The following FAT3 variants were observed in gnomAD, a reference collection of about 807,000 sequenced individuals.
FAT3 encodes the protein FAT atypical cadherin 3, also known as protocadherin Fat 3.
A neutral mutation model predicts 310.2 loss-of-function variants in FAT3; 95 were observed. That is an observed-to-expected ratio of 0.31 (90% confidence interval 0.26 to 0.36). The LOEUF (loss-of-function observed/expected upper bound fraction) is 0.36. Among genes scored for constraint, FAT3 ranks in the 10% least tolerant of loss-of-function variants. FAT3 has a pLI of 1.00. For synonymous variants in FAT3, 2,314 were observed against 2,192.9 expected (o/e 1.06, Z -1.54); for missense variants, 5,408 against 5,715.6 (o/e 0.95, Z 1.74).
At chr11:92,513,822 G>A (rs1953388393) in intron 2 of FAT3, among the ~76,000 whole-genome samples, 1 of 151,998 alleles carries the variant, frequency 6.6e-6, no homozygotes, top group East Asian at 1.9e-4. Flanking sequence ...AATTATCCCA[G>A]CAGGATGATT....
At chr11:92,790,277 C>A in intron 8 of FAT3, 59 bp downstream of exon 8, 1 of 1,550,844 alleles carries the variant, frequency 6.4e-7, no homozygotes, top group South Asian at 1.2e-5. Context: ...AGGCCACACA[C>A]ATTAGCCTTC....
chr11:92,687,350 C>T (rs1051253322), intron 3 of FAT3, among the ~76,000 whole-genome samples: 1 of 152,146 alleles, frequency 6.6e-6, no homozygotes, highest in Non-Finnish European at 1.5e-5. Flanking sequence ...GACTTAGACC[C>T]AAGTTTACCG....
intron 3 of FAT3, among the ~76,000 whole-genome samples, chr11:92,601,775 C>T (rs966440942): frequency 2.0e-5 from 3 of 152,256 alleles, no homozygotes; most frequent in South Asian, 2.1e-4. Context: ...CTCCGTTTGT[C>T]CTTCTGCACC....
chr11:92,480,457 C>G (rs1157801960), intron 2 of FAT3, among the ~76,000 whole-genome samples: 1 of 152,144 alleles, frequency 6.6e-6, no homozygotes, highest in Non-Finnish European at 1.5e-5. Context: ...CAAGGTTCTC[C>G]CAGTACCACA....
At chr11:92,625,020 C>A (rs1941261186) in intron 3 of FAT3, among the ~76,000 whole-genome samples, 1 of 152,118 alleles carries the variant, frequency 6.6e-6, no homozygotes, top group South Asian at 2.1e-4. Flanking sequence ...ACCCTAATGA[C>A]CTCATTTTAA....
chr11:92,366,995 G>A (rs1479697742), intron 2 of FAT3: 4 of 520,886 alleles, frequency 7.7e-6, no homozygotes, highest in African/African-American at 1.9e-5. Flanking sequence ...TTATTGAGGT[G>A]TCAAGTCCTC....
chr11:92,368,833 C>CATATATATATATATATATATATAT (rs778237959), intron 2 of FAT3, among the ~76,000 whole-genome samples: 1,805 of 140,424 alleles, frequency 0.013, 27 homozygotes, highest in Non-Finnish European at 0.014. Context: ...TGTGTGTATA[C>CATATATATATATATATATATATAT]ATATATATAT....
chr11:92,571,809 G>T (rs1189973643), intron 3 of FAT3, among the ~76,000 whole-genome samples: 1 of 151,846 alleles, frequency 6.6e-6, no homozygotes, highest in Non-Finnish European at 1.5e-5. Flanking sequence ...TCCCAATTTT[G>T]ACTTCCTTCT....
chr11:92,696,504 C>G (rs187136028), intron 3 of FAT3, among the ~76,000 whole-genome samples: 1 of 152,146 alleles, frequency 6.6e-6, no homozygotes, highest in South Asian at 2.1e-4. Context: ...ACTGGGATCA[C>G]GCTTTTCATA....
At chr11:92,564,943 C>T (rs1420039792) in intron 3 of FAT3, among the ~76,000 whole-genome samples, 5 of 140,742 alleles carry the variant, frequency 3.6e-5, no homozygotes, top group East Asian at 4.3e-4. Context: ...AGGAAAGATC[C>T]AAAATTGACA....
At chr11:92,706,484 G>A (rs1249097623) in intron 4 of FAT3, among the ~76,000 whole-genome samples, 1 of 151,996 alleles carries the variant, frequency 6.6e-6, no homozygotes, top group Non-Finnish European at 1.5e-5. Context: ...CCAGCAGCAG[G>A]TGTGGAAGCA....
intron 3 of FAT3, among the ~76,000 whole-genome samples, chr11:92,525,853 C>T (rs527277298): frequency 2.0e-5 from 3 of 152,168 alleles, no homozygotes; most frequent in South Asian, 2.1e-4. Context: ...AGTTGATGGT[C>T]GTTTCTCCTG....
At chr11:92,459,732 T>C (rs1056244680) in intron 2 of FAT3, among the ~76,000 whole-genome samples, 4 of 152,186 alleles carry the variant, frequency 2.6e-5, no homozygotes, top group African/African-American at 2.4e-5. Context: ...AATTGCTTAA[T>C]TGAGGGAACA....
chr11:92,690,835 A>G (rs773312057), intron 3 of FAT3, among the ~76,000 whole-genome samples: 9 of 152,094 alleles, frequency 5.9e-5, no homozygotes, highest in Non-Finnish European at 1.2e-4. Flanking sequence ...AAAGAGGTGG[A>G]AATAGGGGTT....
rs561571467 is a variant in FAT3 at position 92,402,604 on chromosome 11, G to A, written c.3292+47200G>A. On this transcript the variant is annotated intron_variant, in intron 2 of 27. Transcript: ENST00000525166. Reference sequence around the variant, plus strand: ...AAAAATTAGCTGGACATGATGATGCGTGCCTGTAGTCCCAGCTACTTGAGA... The same window carrying A: ...AAAAATTAGCTGGACATGATGATGCATGCCTGTAGTCCCAGCTACTTGAGA... Among the ~76,000 whole-genome samples, 8 of 151,268 alleles carry A rather than the reference G, an allele frequency of 5.3e-5. No individual in the cohort carries two copies. The South Asian group carries it at 1.3e-3, about 24-fold the overall frequency.
At chr11:92,518,634 C>T (rs1267055859) in intron 2 of FAT3, among the ~76,000 whole-genome samples, 1 of 151,556 alleles carries the variant, frequency 6.6e-6, no homozygotes, top group African/African-American at 2.4e-5. Context: ...ACGTTTTGCA[C>T]ATGTATCCCA....
intron 1 of FAT3, among the ~76,000 whole-genome samples, chr11:92,258,864 A>G (rs1400755415): frequency 6.6e-6 from 1 of 151,954 alleles, no homozygotes; most frequent in African/African-American, 2.4e-5. Context: ...AGAACTAGTG[A>G]CCAAGGCCTT....
At chr11:92,582,387 A>G (rs1938858949) in intron 3 of FAT3, among the ~76,000 whole-genome samples, 1 of 152,024 alleles carries the variant, frequency 6.6e-6, no homozygotes, top group Non-Finnish European at 1.5e-5. Context: ...ACACTGCTAG[A>G]TAAAATATAG....
At chr11:92,485,360 T>C (rs974026230) in intron 2 of FAT3, among the ~76,000 whole-genome samples, 1 of 152,296 alleles carries the variant, frequency 6.6e-6, no homozygotes, top group East Asian at 1.9e-4. Context: ...TAAAAGACCT[T>C]AGGGAGACTG....
Sources: gnomAD v4.1 joint callset for allele counts (sites outside exome capture counted in the v4.1 genomes callset) on GRCh38, gnomAD v4.1.1 for gene constraint, MANE v1.5 for transcripts, NCBI Gene and HGNC (gene_info 2026-07-23, HGNC 2026-07-21) for gene names.